ADGRB3: variants seen among roughly 807,000 people sequenced by gnomAD.
The protein encoded by ADGRB3 is adhesion G protein-coupled receptor B3.
In ADGRB3, 37 loss-of-function variants were observed where a neutral mutation model predicts 193.4. That is an observed-to-expected ratio of 0.19 (90% CI 0.15 to 0.25). The LOEUF (loss-of-function observed/expected upper bound fraction) is 0.25. ADGRB3 is among the 10% of genes least tolerant of loss of function. The pLI is 1.00. For synonymous variants in ADGRB3, 690 were observed against 644.2 expected, an observed-to-expected ratio of 1.07 and a Z score of -1.08; for missense variants, 1,637 against 1,852.9, an observed-to-expected ratio of 0.88 and a Z score of 2.14.
At chr6:68,965,712 T>C (rs1768361340) in intron 8 of ADGRB3, among the ~76,000 whole-genome samples, 1 of 152,108 alleles carries the variant, frequency 6.6e-6, no homozygotes, top group African/African-American at 2.4e-5. Flanking sequence ...CAAATGGATT[T>C]TTATATCTTT....
chr6:68,756,920 G>T (rs1481246625), intron 3 of ADGRB3, among the ~76,000 whole-genome samples: 1 of 152,050 alleles, frequency 6.6e-6, no homozygotes, highest in Non-Finnish European at 1.5e-5. Context: ...AGCAGAGTTG[G>T]CAGTGCTGTT....
intron 20 of ADGRB3, among the ~76,000 whole-genome samples, chr6:69,301,061 A>G (rs1444855838): frequency 1.3e-5 from 2 of 151,768 alleles, no homozygotes; most frequent in East Asian, 1.9e-4. Context: ...TTCAATAAAC[A>G]TATCGGAAAA....
chr6:69,019,079 T>C (rs1370392389), intron 13 of ADGRB3, among the ~76,000 whole-genome samples: 2 of 152,022 alleles, frequency 1.3e-5, no homozygotes, highest in Admixed American at 1.3e-4. Flanking sequence ...TAGTGGATTC[T>C]GTAATGCAAC....
intron 17 of ADGRB3, among the ~76,000 whole-genome samples, chr6:69,204,725 A>G (rs559071713): frequency 6.6e-6 from 1 of 152,170 alleles, no homozygotes; most frequent in East Asian, 1.9e-4. Flanking sequence ...ATCATCTCCT[A>G]TTGCCACCGT....
At chr6:68,867,702 T>C (rs1582268012) in intron 3 of ADGRB3, among the ~76,000 whole-genome samples, 2 of 152,330 alleles carry the variant, frequency 1.3e-5, no homozygotes, top group African/African-American at 4.8e-5. Flanking sequence ...GGGGTGGAGC[T>C]GCCCAAGGCT....
intron 17 of ADGRB3, among the ~76,000 whole-genome samples, chr6:69,197,030 C>T (rs1486618176): frequency 2.0e-5 from 3 of 152,074 alleles, no homozygotes; most frequent in Non-Finnish European, 4.4e-5. Flanking sequence ...GAAGTAATTG[C>T]ACTTTACCCT....
intron 17 of ADGRB3, among the ~76,000 whole-genome samples, chr6:69,097,392 T>C (rs577542785): frequency 1.2e-4 from 19 of 152,214 alleles, no homozygotes; most frequent in Non-Finnish European, 2.5e-4. Flanking sequence ...TTGCTGAAAG[T>C]ATACTGCATT....
intron 17 of ADGRB3, among the ~76,000 whole-genome samples, chr6:69,225,661 A>G (rs1227232681): frequency 2.0e-5 from 3 of 152,242 alleles, no homozygotes; most frequent in Non-Finnish European, 4.4e-5. Context: ...AAATTGAGAT[A>G]TCCAGGCAAC....
intron 3 of ADGRB3, among the ~76,000 whole-genome samples, chr6:68,644,063 C>A (rs1055236670): frequency 3.3e-5 from 5 of 149,962 alleles, no homozygotes; most frequent in Non-Finnish European, 7.4e-5. Flanking sequence ...ACACTCTGAA[C>A]ATGGTTTTAG....
At chr6:68,846,923 A>T (rs1308783060) in intron 3 of ADGRB3, among the ~76,000 whole-genome samples, 1 of 152,046 alleles carries the variant, frequency 6.6e-6, no homozygotes, top group East Asian at 1.9e-4. Flanking sequence ...AGCCACAGAC[A>T]CTCAATGCCA....
chr6:68,790,377 C>T (rs1351225361), intron 3 of ADGRB3, among the ~76,000 whole-genome samples: 1 of 152,182 alleles, frequency 6.6e-6, no homozygotes, highest in African/African-American at 2.4e-5. Context: ...CACAGACAAA[C>T]AAAAAGACAG....
chr6:68,721,655 T>TATATATATATATATATATATATAA, intron 3 of ADGRB3, among the ~76,000 whole-genome samples: 1 of 141,336 alleles, frequency 7.1e-6, no homozygotes, highest in African/African-American at 2.5e-5. Flanking sequence ...TATATATATA[T>TATATATATATATATATATATATAA]AAATTATCAT....
chr6:69,229,499 T>A (rs900592075), intron 17 of ADGRB3, among the ~76,000 whole-genome samples: 35 of 152,156 alleles, frequency 2.3e-4, no homozygotes, highest in African/African-American at 8.0e-4. Flanking sequence ...ATTCCTAATA[T>A]CCCAAGAGTT....
chr6:69,256,229 A>G (rs1161050994), intron 20 of ADGRB3, among the ~76,000 whole-genome samples: 5,083 of 151,434 alleles, frequency 0.034, 285 homozygotes, highest in African/African-American at 0.12. Context: ...GTTTTTTCCA[A>G]TTCTGTGAAG....
At chr6:68,957,578 G>A (rs918258327) in intron 8 of ADGRB3, among the ~76,000 whole-genome samples, 11 of 152,282 alleles carry the variant, frequency 7.2e-5, no homozygotes, top group African/African-American at 2.4e-4. Context: ...GACCCACTTA[G>A]AATCCTGTTG....
In ADGRB3 at chr6:68,993,850, C is replaced by G. The variant is rs1239973209; in HGVS notation, c.1817C>G (p.Thr606Ser). ...GTGACCAAGACACTGTTGGATTTAA[C>G]TCAGAGAAAAAATTTCTATGCAGGC... Reference protein sequence around the residue: ...SQVTKTLLDLTQRKNFYAGDL... With the variant: ...SQVTKTLLDLSQRKNFYAGDL... Residue 606 changes from threonine (T) to serine (S), a missense_variant, in exon 11 of 32, where the codon ACT becomes AGT. Coordinates refer to ENST00000370598, the MANE Select transcript of ADGRB3 (RefSeq NM_001704.3). 2.5e-6 allele frequency: 4 copies of G among 1,613,976 alleles called. No individual in the cohort carries two copies. Among genetic ancestry groups the G allele is most frequent in the Non-Finnish European group, 3.4e-6 (4 of 1,179,886 alleles).
At chr6:68,734,650 G>A (rs1331629379) in intron 3 of ADGRB3, among the ~76,000 whole-genome samples, 3 of 151,908 alleles carry the variant, frequency 2.0e-5, no homozygotes, top group African/African-American at 4.8e-5. Context: ...AATGAGGAGA[G>A]GAGAATCTAA....
intron 3 of ADGRB3, among the ~76,000 whole-genome samples, chr6:68,657,040 T>C (rs1768506586): frequency 6.6e-6 from 1 of 151,518 alleles, no homozygotes; most frequent in Non-Finnish European, 1.5e-5. Flanking sequence ...TTCGATTTTA[T>C]TCAATTCCAG....
intron 3 of ADGRB3, among the ~76,000 whole-genome samples, chr6:68,641,807 G>C (rs545063191): frequency 6.6e-6 from 1 of 152,014 alleles, no homozygotes; most frequent in Non-Finnish European, 1.5e-5. Context: ...ATTGACCTTT[G>C]ATTTAATCAA....
Sources: gnomAD v4.1 joint callset for allele counts (sites outside exome capture counted in the v4.1 genomes callset) on GRCh38, gnomAD v4.1.1 for gene constraint, MANE v1.5 for transcripts, NCBI Gene and HGNC (gene_info 2026-07-23, HGNC 2026-07-21) for gene names.